RIPPLY3: variants seen among roughly 807,000 people sequenced by gnomAD.
The protein encoded by RIPPLY3 is protein ripply3.
A neutral mutation model predicts 11.9 loss-of-function variants in RIPPLY3; 8 were observed. The ratio of observed to expected loss-of-function variants is 0.67; its 90% confidence interval spans 0.40 to 1.21. The LOEUF is 1.21. Among genes scored for constraint, RIPPLY3 ranks in the 50% most tolerant of loss-of-function variants. The pLI, the probability that RIPPLY3 is intolerant of heterozygous loss-of-function variation, is 0.01. For missense variants in RIPPLY3, 271 were observed against 246.0 expected (o/e 1.10, Z -0.68); for synonymous variants, 102 against 99.0 (o/e 1.03, Z -0.18).
chr21:37,018,446 G>T lies in RIPPLY3; in HGVS notation c.*239G>T. On this transcript the variant is annotated 3_prime_UTR_variant, in exon 4 of 4. Transcript: ENST00000329553. ...AGAAAGGATTCTAGGAGAAAGAGAAGGTCTATGTCAACAGAGTTGTTATCT... is the reference window on the plus strand; with the variant it reads ...AGAAAGGATTCTAGGAGAAAGAGAATGTCTATGTCAACAGAGTTGTTATCT... The T allele has an allele frequency of 1.9e-6, 1 of 540,486 alleles. No homozygotes were observed. The highest frequency in any genetic ancestry group is 3.3e-6 in the Non-Finnish European group (1 of 302,046). The allele number at this position is 540,486 out of a possible 1,614,324, so 33.5% of individuals were successfully genotyped here. A position where few individuals can be genotyped will look rare whatever the true frequency, so the allele number is the denominator to read the frequency against.
chr21:37,007,398 CTCTT>C (rs2146771484), intron 1 of RIPPLY3, among the ~76,000 whole-genome samples: 1 of 130,748 alleles, frequency 7.6e-6, no homozygotes, highest in Non-Finnish European at 1.6e-5. Context: ...GAAAGATTCC[CTCTT>C]TTTTTTTTTT....
intron 3 of RIPPLY3, 82 bp downstream of exon 3, chr21:37,013,700 A>G: frequency 1.0e-6 from 1 of 965,604 alleles, no homozygotes; most frequent in Non-Finnish European, 1.6e-6. Flanking sequence ...TCAACCACAT[A>G]GATTGTCAAC....
intron 2 of RIPPLY3, among the ~76,000 whole-genome samples, chr21:37,011,784 T>C (rs151045860): frequency 5.8e-4 from 88 of 151,728 alleles, no homozygotes; most frequent in African/African-American, 2.0e-3. Flanking sequence ...AAACCCCATC[T>C]CTACTAAAAA....
intron 2 of RIPPLY3, among the ~76,000 whole-genome samples, chr21:37,009,688 G>A (rs982027606): frequency 6.6e-6 from 1 of 152,212 alleles, no homozygotes; most frequent in African/African-American, 2.4e-5. Flanking sequence ...ACGATAGCAC[G>A]CTCCCTAAGT....
In RIPPLY3 at chr21:37,018,152, G is replaced by C; in HGVS notation, c.518G>C (p.Gly173Ala). Residue 173 changes from glycine (G) to alanine (A), a missense_variant, in exon 4 of 4, where the codon GGT becomes GCT. By Grantham distance (60) the Gly-to-Ala change is moderately conservative. Transcript: ENST00000329553. The part of the protein sequence containing the change: ...SSGGGDHWGE[G>A]PLPQGVSSRG... Reference sequence around the variant, plus strand: ...GGAGGGGGTGACCACTGGGGGGAGGGTCCGCTCCCTCAAGGTGTCTCCTCA... The same window carrying C: ...GGAGGGGGTGACCACTGGGGGGAGGCTCCGCTCCCTCAAGGTGTCTCCTCA... 1.2e-6 allele frequency: 2 copies of C among 1,613,918 alleles called. No homozygotes were observed. The highest frequency in any genetic ancestry group is 1.7e-6 in the Non-Finnish European group (2 of 1,179,964).
chr21:37,017,955 C>T lies in RIPPLY3; in HGVS notation c.321C>T (p.Ala107=). 1 of 1,614,152 alleles carries T rather than the reference C, an allele frequency of 6.2e-7. No individual in the cohort carries two copies. Reference sequence around the variant, plus strand: ...TACTGGCCAGTTTCCCAGTGCAAGCCACGATTGACTTCTACGACGATGAGT... The same window carrying T: ...TACTGGCCAGTTTCCCAGTGCAAGCTACGATTGACTTCTACGACGATGAGT... ...EQVLASFPVQ[A]TIDFYDDEST... is the part of the protein sequence containing the mutation. The change falls in exon 4 of 4, where the codon GCC becomes GCT. Residue 107 remains alanine (A), a synonymous_variant. Transcript: ENST00000329553.
chr21:37,008,106 A>G lies in RIPPLY3; in HGVS notation c.105-51A>G, dbSNP rs887454540. ...GAATAGCTCTCATGGCATAGTTTGAAGGCAGCAGAAGTGCCCAGGGTTCAC... is the reference window on the plus strand; with the variant it reads ...GAATAGCTCTCATGGCATAGTTTGAGGGCAGCAGAAGTGCCCAGGGTTCAC... On this transcript the variant is annotated intron_variant, in intron 1 of 3. Transcript: ENST00000329553. 16 of 1,586,672 alleles carry G rather than the reference A, an allele frequency of 1.0e-5. No homozygotes were observed. The African/African-American group carries it at 2.2e-4, about 21-fold the overall frequency.
At chr21:37,008,130 A>G in intron 1 of RIPPLY3, 27 bp from the exon 2 acceptor site, 3 of 1,612,914 alleles carry the variant, frequency 1.9e-6, no homozygotes, top group Non-Finnish European at 2.5e-6. Context: ...CCCAGGGTTC[A>G]CTCTCTCCTG....
intron 2 of RIPPLY3, among the ~76,000 whole-genome samples, chr21:37,009,348 G>T (rs1263618846): frequency 1.3e-5 from 2 of 151,942 alleles, no homozygotes; most frequent in Non-Finnish European, 2.9e-5. Flanking sequence ...TTGTAATATG[G>T]TAAGAAAACT....
chr21:37,008,070 A>G, intron 1 of RIPPLY3, 87 bp from the exon 2 acceptor site: 15 of 1,421,782 alleles, frequency 1.1e-5, no homozygotes, highest in Non-Finnish European at 1.4e-5. Flanking sequence ...TCAGGCAGAC[A>G]CTGGAACTAA....
intron 3 of RIPPLY3, among the ~76,000 whole-genome samples, chr21:37,015,506 C>T (rs2146778820): frequency 2.0e-5 from 3 of 152,230 alleles, no homozygotes; most frequent in East Asian, 1.9e-4. Context: ...CTGTGACTGA[C>T]AAAGCATGAG....
At chr21:37,016,434 A>C (rs965621635) in intron 3 of RIPPLY3, among the ~76,000 whole-genome samples, 4 of 152,206 alleles carry the variant, frequency 2.6e-5, no homozygotes, top group East Asian at 1.9e-4. Flanking sequence ...TTTCTCTTCT[A>C]TCTGAAAAAA....
chr21:37,018,072 T>TGGCCCAGGGGGAAAGGGCAG lies in RIPPLY3; in HGVS notation c.439_458dup (p.Asp154AlafsTer75), dbSNP rs1163303473. ...AGGAGGTGGGAGGTCGGCAGGAAAA[T>TGGCCCAGGGGGAAAGGGCAG]GGCCCAGGGGGAAAGGGCAGAGACC... On this transcript the variant is annotated frameshift_variant, in exon 4 of 4. Transcript: ENST00000329553. LOFTEE classifies it low-confidence loss of function (END_TRUNC). 3.1e-6 allele frequency: 5 copies of TGGCCCAGGGGGAAAGGGCAG among 1,613,416 alleles called. No individual in the cohort carries two copies. The highest frequency in any genetic ancestry group is 4.2e-6 in the Non-Finnish European group (5 of 1,179,906).
At position 37,018,094 on chromosome 21, in the gene RIPPLY3, G is replaced by A. The variant is rs2069598836; in HGVS notation, c.460G>A (p.Asp154Asn). Residue 154 changes from aspartate to asparagine, a missense_variant, in exon 4 of 4, where the codon GAC (aspartate) becomes AAC (asparagine). Coordinates refer to ENST00000329553, the MANE Select transcript of RIPPLY3 (RefSeq NM_018962.3). ...AAATGGCCCAGGGGGAAAGGGCAGA[G>A]ACCAGGGCATCAACCAAGGGCAGCG... Reference protein sequence around the residue: ...QENGPGGKGRDQGINQGQRSS... With the variant: ...QENGPGGKGRNQGINQGQRSS... 1 of 1,613,962 alleles carries A rather than the reference G, an allele frequency of 6.2e-7. No individual in the cohort carries two copies. The highest frequency in any genetic ancestry group is 1.3e-5 in the African/African-American group (1 of 74,904).
intron 2 of RIPPLY3, among the ~76,000 whole-genome samples, chr21:37,010,221 C>A (rs1012709897): frequency 2.0e-5 from 3 of 152,056 alleles, no homozygotes; most frequent in Admixed American, 6.6e-5. Context: ...AGGCCGGGCG[C>A]GTGGCTCACC....
intron 2 of RIPPLY3, 79 bp downstream of exon 2, chr21:37,008,302 A>G: frequency 2.0e-6 from 3 of 1,482,896 alleles, no homozygotes; most frequent in Non-Finnish European, 2.8e-6. Context: ...GGGACCGTGA[A>G]TGGCCTTCTG....
At chr21:37,014,142 C>A (rs908946366) in intron 3 of RIPPLY3, among the ~76,000 whole-genome samples, 2 of 151,794 alleles carry the variant, frequency 1.3e-5, no homozygotes, top group Non-Finnish European at 2.9e-5. Context: ...ATGGTGAAAC[C>A]CCCGTCTCTA....
At chr21:37,016,640 T>C (rs1351947087) in intron 3 of RIPPLY3, among the ~76,000 whole-genome samples, 1 of 152,166 alleles carries the variant, frequency 6.6e-6, no homozygotes, top group Non-Finnish European at 1.5e-5. Flanking sequence ...CAGACCAGCC[T>C]GGGCAATATG....
chr21:37,012,415 ATTG>A (rs1197493230), intron 2 of RIPPLY3, among the ~76,000 whole-genome samples: 1 of 151,408 alleles, frequency 6.6e-6, no homozygotes, highest in African/African-American at 2.4e-5. Context: ...ATTTTTTGGT[ATTG>A]TTAGTAGAGA....
Sources: gnomAD v4.1 joint callset for allele counts (sites outside exome capture counted in the v4.1 genomes callset) on GRCh38, gnomAD v4.1.1 for gene constraint, MANE v1.5 for transcripts, NCBI Gene and HGNC (gene_info 2026-07-23, HGNC 2026-07-21) for gene names.